Variants in CYP3A4 observed in about 807,000 individuals in gnomAD.
CYP3A4 encodes cytochrome P450 3A4.
A neutral mutation model predicts 54.9 loss-of-function variants in CYP3A4; 41 were observed. The observed-to-expected ratio is 0.75, with a 90% CI of 0.58 to 0.97. The LOEUF is 0.97. CYP3A4 is among the 50% of genes least tolerant of loss of function. The pLI is 0.00. For missense variants in CYP3A4, 510 were observed against 597.3 expected (o/e 0.85, Z 1.52); for synonymous variants, 179 against 205.2 (o/e 0.87, Z 1.09).
In CYP3A4 at chr7:99,758,142, A is replaced by G. The variant is rs760254800; in HGVS notation, c.1503T>C (p.Ser501=). 5 of 1,613,754 alleles carry G rather than the reference A, an allele frequency of 3.1e-6. No individual in the cohort carries two copies. The East Asian group carries it at 1.1e-4, about 36-fold the overall frequency. ...AAGTCCTTAGGAAAATTCAGGCTCC[A>G]CTTACGGTGCCATCCCTTGACTCAA... ...LKVESRDGTV[S]GA is the part of the protein sequence containing the mutation. The change falls in exon 13 of 13, where the codon AGT becomes AGC. Residue 501 remains serine (S), a synonymous_variant. Transcript: ENST00000651514.
At position 99,763,808 on chromosome 7, in the gene CYP3A4, G is replaced by C. The variant is rs4986912; in HGVS notation, c.1026+47C>G. 1.9e-6 allele frequency: 3 copies of C among 1,605,618 alleles called. No individual in the cohort carries two copies. The African/African-American group carries it at 4.0e-5, about 22-fold the overall frequency. On this transcript the variant is annotated intron_variant, in intron 10 of 12. Transcript: ENST00000651514. The stretch of plus-strand genomic sequence containing the variant: ...TGGGAAGTGGTGAGGAGGCATTTTT[G>C]CTAAGGTTTCACCTCCTCCCTCCTT...
chr7:99,783,450 T>C (rs1815977077), intron 1 of CYP3A4, among the ~76,000 whole-genome samples: 1 of 152,126 alleles, frequency 6.6e-6, no homozygotes, highest in African/African-American at 2.4e-5. Context: ...TATTGTCAAG[T>C]AGATCATCCT....
chr7:99,764,552 T>C (rs1469981672), intron 9 of CYP3A4, among the ~76,000 whole-genome samples: 3 of 152,228 alleles, frequency 2.0e-5, no homozygotes, highest in Non-Finnish European at 4.4e-5. Context: ...GACCACTTCT[T>C]GGTATTCAAA....
chr7:99,773,173 C>T (rs1418244357), intron 3 of CYP3A4, among the ~76,000 whole-genome samples: 1 of 152,114 alleles, frequency 6.6e-6, no homozygotes, highest in Non-Finnish European at 1.5e-5. Context: ...CACCCAAATA[C>T]AGGAGCACCC....
chr7:99,766,263 C>T (rs544259545), intron 9 of CYP3A4, 114 bp downstream of exon 9: 18 of 1,245,072 alleles, frequency 1.4e-5, no homozygotes, highest in African/African-American at 1.1e-4. Context: ...AAACATGTGT[C>T]GTTCTGCTAT....
At position 99,772,683 on chromosome 7, in the gene CYP3A4, A is replaced by T; in HGVS notation, c.225T>A (p.Tyr75Ter). Residue 75 changes from tyrosine (Y) to a stop codon, truncating the protein, a stop_gained, in exon 4 of 13, where the codon TAT becomes TAA. Coordinates refer to ENST00000651514, the MANE Select transcript of CYP3A4 (RefSeq NM_017460.6). LOFTEE classifies it high-confidence loss of function. The stretch of plus-strand genomic sequence containing the variant: ...TAGCCAGCACAGGCTGTTGACCATC[A>T]TAAAAGCTGTGTGAAAAAAACAGAG... Reference protein sequence around the residue: ...HKKYGKVWGFYDGQQPVLAIT... With the variant: ...HKKYGKVWGF The T allele has an allele frequency of 6.2e-7, 1 of 1,613,234 alleles. No individual in the cohort carries two copies. The highest frequency in any genetic ancestry group is 8.5e-7 in the Non-Finnish European group (1 of 1,179,352).
rs1005542089 is a variant in CYP3A4 at position 99,768,747 on chromosome 7, GCCCATCA to G, written c.522-252_522-246del. Among the ~76,000 whole-genome samples the G allele has an allele frequency of 5.3e-5, 8 of 152,246 alleles. No homozygotes were observed. In the South Asian group the frequency reaches 8.3e-4, roughly 16 times the overall value. Reference sequence around the variant, plus strand: ...TTAGACCTACCTCTGAGATCAAGGAGCCCATCATAGGAAGACAGAGACCCACTATCAG... The same window carrying G: ...TTAGACCTACCTCTGAGATCAAGGAGTAGGAAGACAGAGACCCACTATCAG... On this transcript the variant is annotated intron_variant, in intron 6 of 12. Transcript: ENST00000651514.
intron 3 of CYP3A4, among the ~76,000 whole-genome samples, chr7:99,774,126 T>G (rs1458664693): frequency 2.6e-5 from 4 of 152,082 alleles, no homozygotes; most frequent in Non-Finnish European, 5.9e-5. Flanking sequence ...ACATGCCCCC[T>G]CCCAAGACTA....
In CYP3A4 at chr7:99,762,240, G is replaced by A. The variant is rs1431067941; in HGVS notation, c.1054C>T (p.Gln352Ter). 2 of 1,614,036 alleles carry A rather than the reference G, an allele frequency of 1.2e-6. No homozygotes were observed. Among genetic ancestry groups the A allele is most frequent in the African/African-American group, 1.3e-5 (1 of 75,024 alleles). ...ACCACCATGTCAAGATACTCCATCT[G>A]TAGCACAGTATCATAGGTGGGTGGT... ...KAPPTYDTVL[Q>*]MEYLDMVVNE... is the part of the protein sequence containing the mutation. The change falls in exon 11 of 13, where the codon CAG becomes TAG. Residue 352 changes from glutamine (Q) to a stop codon, truncating the protein, a stop_gained. Coordinates refer to ENST00000651514, the MANE Select transcript of CYP3A4 (RefSeq NM_017460.6). LOFTEE classifies it high-confidence loss of function.
chr7:99,769,297 G>T (rs1195124084), intron 6 of CYP3A4, among the ~76,000 whole-genome samples: 1 of 151,962 alleles, frequency 6.6e-6, no homozygotes, highest in Non-Finnish European at 1.5e-5. Flanking sequence ...AAAAAGAAAT[G>T]GTAGGAATTT....
chr7:99,777,553 G>A (rs1466812154), intron 3 of CYP3A4, among the ~76,000 whole-genome samples: 1 of 151,410 alleles, frequency 6.6e-6, no homozygotes, highest in East Asian at 1.9e-4. Flanking sequence ...AGAAGGCTAT[G>A]AAGAGAGGAT....
At position 99,784,179 on chromosome 7, in the gene CYP3A4, A is replaced by G; in HGVS notation, c.-98T>C. The stretch of plus-strand genomic sequence containing the variant: ...TGCATGGAGCTTTCCTGCCCTGCAC[A>G]GCAGTGATTCAGTGAGGCTGTTGGA... On this transcript the variant is annotated 5_prime_UTR_variant, in exon 1 of 13. Transcript: ENST00000651514. 8.5e-7 allele frequency: 1 copy of G among 1,174,114 alleles called. No individual in the cohort carries two copies. The highest frequency in any genetic ancestry group is 1.3e-6 in the Non-Finnish European group (1 of 790,834). 72.7% of individuals were successfully genotyped at this position (1,174,114 alleles called of 1,614,324 possible).
chr7:99,765,929 T>C (rs574736346), intron 9 of CYP3A4, among the ~76,000 whole-genome samples: 4 of 152,218 alleles, frequency 2.6e-5, no homozygotes, highest in African/African-American at 7.2e-5. Flanking sequence ...TGGCTCCTGA[T>C]TGGATGTTAG....
intron 1 of CYP3A4, among the ~76,000 whole-genome samples, chr7:99,783,442 T>C: frequency 6.6e-6 from 1 of 152,118 alleles, no homozygotes; most frequent in Non-Finnish European, 1.5e-5. Context: ...GTCCAAACTA[T>C]TGTCAAGTAG....
At position 99,768,462 on chromosome 7, in the gene CYP3A4, A is replaced by T. The variant is rs1815535272; in HGVS notation, c.562T>A (p.Ser188Thr). 3.1e-6 allele frequency: 5 copies of T among 1,614,036 alleles called. No individual in the cohort carries two copies. The South Asian group carries it at 3.3e-5, about 11-fold the overall frequency. The change falls in exon 7 of 13, where the codon TCA (serine) becomes ACA (threonine). Residue 188 changes from serine to threonine, a missense_variant. Around this residue, in one of 2 missense-constraint regions of CYP3A4, gnomAD observed 272 missense variants for 274.9 expected, o/e 0.99. Coordinates refer to ENST00000651514, the MANE Select transcript of CYP3A4 (RefSeq NM_017460.6). ...AYSMDVITST[S>T]FGVNIDSLNN... ...AGAGAGTCGATGTTCACTCCAAATG[A>T]TGTGCTAGTGATCACATCCATGCTG...
At chr7:99,771,841 C>G (rs1056071747) in intron 4 of CYP3A4, among the ~76,000 whole-genome samples, 2 of 152,092 alleles carry the variant, frequency 1.3e-5, no homozygotes, top group Non-Finnish European at 2.9e-5. Flanking sequence ...ACAATATACC[C>G]ATCTTTCCAA....
chr7:99,761,200 T>A (rs186138863), intron 11 of CYP3A4, among the ~76,000 whole-genome samples: 1 of 152,316 alleles, frequency 6.6e-6, no homozygotes, highest in African/African-American at 2.4e-5. Flanking sequence ...TCAGTCTTGT[T>A]GAGATGAGAT....
chr7:99,762,549 T>C (rs1017636352), intron 10 of CYP3A4, among the ~76,000 whole-genome samples: 2 of 151,766 alleles, frequency 1.3e-5, no homozygotes, highest in Non-Finnish European at 2.9e-5. Context: ...TATATATATA[T>C]ACACACACAC....
intron 1 of CYP3A4, among the ~76,000 whole-genome samples, chr7:99,780,794 G>A (rs541653812): frequency 2.1e-4 from 32 of 152,188 alleles, no homozygotes; most frequent in Non-Finnish European, 3.8e-4. Flanking sequence ...CAGATGATCT[G>A]GTTGATTTGA....
Sources: gnomAD v4.1 joint callset for allele counts (sites outside exome capture counted in the v4.1 genomes callset) on GRCh38, gnomAD v4.1.1 for gene constraint, gnomAD v4.1.1 regional missense constraint, MANE v1.5 for transcripts, NCBI Gene and HGNC (gene_info 2026-07-23, HGNC 2026-07-21) for gene names.